HACD2: variants seen among roughly 807,000 people sequenced by gnomAD.
The protein encoded by HACD2 is 3-hydroxyacyl-CoA dehydratase 2.
Under a neutral mutation model 31.0 loss-of-function variants are expected in HACD2, and 15 were observed. The observed-to-expected ratio is 0.48, with a 90% CI of 0.32 to 0.75. The LOEUF (loss-of-function observed/expected upper bound fraction) is 0.75, where lower values mean the gene tolerates loss of function less well. HACD2 is among the 30% of genes least tolerant of loss of function. The pLI is 0.03. For missense variants in HACD2, 283 were observed against 313.0 expected (o/e 0.90, Z 0.72); for synonymous variants, 115 against 122.2 (o/e 0.94, Z 0.39).
At chr3:123,535,775 G>A (rs2056418909) in intron 3 of HACD2, among the ~76,000 whole-genome samples, 1 of 152,218 alleles carries the variant, frequency 6.6e-6, no homozygotes, top group African/African-American at 2.4e-5. Context: ...GGGAACCAGG[G>A]ACACTTCCTT....
chr3:123,543,674 T>C (rs1415079687), intron 3 of HACD2: 2 of 425,178 alleles, frequency 4.7e-6, no homozygotes, highest in Non-Finnish European at 9.3e-6. Flanking sequence ...GAAAAAAAAC[T>C]GTCAGAATCC....
At chr3:123,530,743 C>T (rs540997484) in intron 3 of HACD2, among the ~76,000 whole-genome samples, 32 of 151,584 alleles carry the variant, frequency 2.1e-4, no homozygotes, top group Admixed American at 1.1e-3. Context: ...GTAGAGACAA[C>T]GTCTTGCTAT....
chr3:123,541,027 TTGGGAGGCCAAGG>T (rs1306386112), intron 3 of HACD2, among the ~76,000 whole-genome samples: 1 of 152,150 alleles, frequency 6.6e-6, no homozygotes, highest in Admixed American at 6.5e-5. Context: ...TCCCAGCACT[TTGGGAGGCCAAGG>T]TGGGTGGATC....
intron 3 of HACD2, among the ~76,000 whole-genome samples, chr3:123,528,771 T>C (rs1035941847): frequency 6.6e-6 from 1 of 152,164 alleles, no homozygotes; most frequent in Non-Finnish European, 1.5e-5. Flanking sequence ...ACTGTATAGA[T>C]GGAGAAAGCA....
In HACD2 at chr3:123,548,821, C is replaced by T. The variant is rs140094712; in HGVS notation, c.292+18941G>A. Among the ~76,000 whole-genome samples the T allele has an allele frequency of 3.0e-3, 459 of 151,950 alleles. 2 individuals carry two copies. Among genetic ancestry groups the T allele is most frequent in the African/African-American group, 0.01 (429 of 41,406 alleles). The stretch of plus-strand genomic sequence containing the variant: ...TGATTTTTTTGTATATATAGGGCCT[C>T]ACTATATTGCCCAGGCTGGTCTTGA... On this transcript the variant is annotated intron_variant, in intron 3 of 6. Transcript: ENST00000383657.
At position 123,494,717 on chromosome 3, in the gene HACD2, A is replaced by G. The variant is rs1272578248; in HGVS notation, c.*171T>C. On this transcript the variant is annotated 3_prime_UTR_variant, in exon 7 of 7. Coordinates refer to ENST00000383657, the MANE Select transcript of HACD2 (RefSeq NM_198402.5). Reference sequence around the variant, plus strand: ...GTGTTTTATGTAACAACCTTTTTCTAAAATAAAATCTCAGGCCCATGTGAC... The same window carrying G: ...GTGTTTTATGTAACAACCTTTTTCTGAAATAAAATCTCAGGCCCATGTGAC... 6 of 634,046 alleles carry G rather than the reference A, an allele frequency of 9.5e-6. No individual in the cohort carries two copies. The East Asian group carries it at 1.1e-4, about 12-fold the overall frequency. The allele number at this position is 634,046 out of a possible 1,614,324, so 39.3% of individuals were successfully genotyped here.
At chr3:123,547,290 C>T (rs890191168) in intron 3 of HACD2, among the ~76,000 whole-genome samples, 16 of 152,168 alleles carry the variant, frequency 1.1e-4, no homozygotes, top group African/African-American at 3.9e-4. Flanking sequence ...CTAAGCAAAT[C>T]AGCCCCAGAT....
intron 1 of HACD2, 57 bp from the exon 2 acceptor site, chr3:123,582,386 A>G (rs2056975356): frequency 8.3e-7 from 1 of 1,198,902 alleles, no homozygotes; most frequent in East Asian, 2.5e-5. Context: ...AGTAGCATTT[A>G]GGTTAACACA....
chr3:123,520,970 T>A (rs928480933), intron 4 of HACD2, among the ~76,000 whole-genome samples: 2 of 152,238 alleles, frequency 1.3e-5, no homozygotes, highest in African/African-American at 4.8e-5. Flanking sequence ...TCCTTTTCTA[T>A]GACAGTTTCC....
chr3:123,563,239 G>T (rs1311076754), intron 3 of HACD2, among the ~76,000 whole-genome samples: 1 of 152,212 alleles, frequency 6.6e-6, no homozygotes, highest in Admixed American at 6.5e-5. Context: ...TATTATAGAA[G>T]AGTGAGGAAG....
intron 4 of HACD2, among the ~76,000 whole-genome samples, chr3:123,512,680 C>T (rs560502375): frequency 6.6e-6 from 1 of 152,120 alleles, no homozygotes; most frequent in Non-Finnish European, 1.5e-5. Context: ...GGGCTTCTTG[C>T]TGTTGGAGGA....
intron 4 of HACD2, among the ~76,000 whole-genome samples, chr3:123,514,167 C>T (rs2056102416): frequency 6.6e-6 from 1 of 152,042 alleles, no homozygotes; most frequent in South Asian, 2.1e-4. Context: ...CCCAGCAACT[C>T]AGGAGGCTGA....
intron 3 of HACD2, among the ~76,000 whole-genome samples, chr3:123,535,234 A>G (rs767518482): frequency 2.6e-5 from 4 of 152,140 alleles, no homozygotes; most frequent in Non-Finnish European, 5.9e-5. Flanking sequence ...CTATGTGTAG[A>G]TACACAAATA....
intron 1 of HACD2, 112 bp from the exon 2 acceptor site, chr3:123,582,441 G>T: frequency 1.7e-6 from 1 of 579,664 alleles, no homozygotes; most frequent in Non-Finnish European, 2.9e-6. Flanking sequence ...CCTCAAGCAT[G>T]AGTAACCTGG....
chr3:123,517,641 A>G (rs760345960), intron 4 of HACD2, among the ~76,000 whole-genome samples: 24 of 152,196 alleles, frequency 1.6e-4, no homozygotes, highest in Non-Finnish European at 2.5e-4. Context: ...CAGTATCCCA[A>G]TGTGCCCACC....
At chr3:123,570,464 G>T (rs1479757442) in intron 2 of HACD2, among the ~76,000 whole-genome samples, 1 of 151,870 alleles carries the variant, frequency 6.6e-6, no homozygotes, top group Admixed American at 6.6e-5. Context: ...CTAATACTTG[G>T]AAAAAAGAGT....
chr3:123,539,073 T>C (rs747570871), intron 3 of HACD2, among the ~76,000 whole-genome samples: 5 of 152,178 alleles, frequency 3.3e-5, no homozygotes, highest in Non-Finnish European at 7.4e-5. Context: ...ACAGTATATC[T>C]TCATGGAATA....
chr3:123,537,579 A>ACG, intron 3 of HACD2, among the ~76,000 whole-genome samples: 1 of 140,690 alleles, frequency 7.1e-6, no homozygotes. Flanking sequence ...AACAACAAAT[A>ACG]CACATACACA....
chr3:123,546,804 G>A (rs543294380), intron 3 of HACD2, among the ~76,000 whole-genome samples: 1 of 152,300 alleles, frequency 6.6e-6, no homozygotes, highest in East Asian at 1.9e-4. Context: ...CAAACCATCA[G>A]AGTGCAGGAC....
Sources: allele counts gnomAD v4.1 joint callset (sites outside exome capture counted in the v4.1 genomes callset), GRCh38; gene constraint gnomAD v4.1.1; transcripts MANE v1.5; gene names NCBI Gene and HGNC (gene_info 2026-07-23, HGNC 2026-07-21).